The following PCDH11Y variants were observed in gnomAD, a reference collection of about 807,000 sequenced individuals.
PCDH11Y encodes the protein protocadherin-11 Y-linked.
For synonymous variants in PCDH11Y, 9 were observed against 83.6 expected (o/e 0.11, Z 4.87); for missense variants, 12 against 224.8 (o/e 0.05, Z 6.05).
At chrY:5,650,841 T>C in intron 4 of PCDH11Y, among the ~76,000 whole-genome samples, 1 of 32,252 alleles carries the variant, frequency 3.1e-5, no homozygotes, top group Non-Finnish European at 7.6e-5. Flanking sequence ...ATTGACAATA[T>C]TTGACATACC....
intron 4 of PCDH11Y, among the ~76,000 whole-genome samples, chrY:5,583,720 A>G (rs2124697657): frequency 4.3e-5 from 1 of 22,998 alleles, no homozygotes; most frequent in Admixed American, 4.5e-4. Context: ...ATCAATATTC[A>G]TCAGTGATAT....
downstream of PCDH11Y, among the ~76,000 whole-genome samples, chrY:5,107,575 A>C: frequency 3.0e-5 from 1 of 33,310 alleles, no homozygotes; most frequent in African/African-American, 1.2e-4. Flanking sequence ...ATTCCTTATC[A>C]GTTGACCTGG....
chrY:5,075,703 A>G (rs867995700), intron 1 of PCDH11Y, among the ~76,000 whole-genome samples: 70 of 33,791 alleles, frequency 2.1e-3, no homozygotes, highest in South Asian at 4.6e-3. Flanking sequence ...TTCAATTAAC[A>G]TAATGATCCA....
chrY:5,042,125 T>G, intron 3 of PCDH11Y, among the ~76,000 whole-genome samples: 1 of 31,752 alleles, frequency 3.1e-5, no homozygotes, highest in Non-Finnish European at 7.7e-5. Flanking sequence ...TAGATCCCAT[T>G]TGTCAATTTT....
chrY:5,188,423 A>G, intron 2 of PCDH11Y, among the ~76,000 whole-genome samples: 1 of 31,324 alleles, frequency 3.2e-5, no homozygotes, highest in Admixed American at 3.0e-4. Context: ...TATTTAATCA[A>G]CTCACAGTTC....
chrY:5,047,083 C>T, intron 3 of PCDH11Y, among the ~76,000 whole-genome samples: 1 of 33,902 alleles, frequency 2.9e-5, no homozygotes, highest in Non-Finnish European at 7.4e-5. Flanking sequence ...CTGCGTCGCT[C>T]ACGCTGGGAG....
chrY:5,308,169 C>A, intron 2 of PCDH11Y, among the ~76,000 whole-genome samples: 1 of 32,900 alleles, frequency 3.0e-5, no homozygotes, highest in Non-Finnish European at 7.4e-5. Context: ...TTTAAATATA[C>A]AGTTTCTTTA....
At chrY:5,678,385 A>T in intron 4 of PCDH11Y, among the ~76,000 whole-genome samples, 2 of 32,708 alleles carry the variant, frequency 6.1e-5, no homozygotes, top group African/African-American at 1.2e-4. Context: ...TCTGAAAATT[A>T]TGTTCATGTG....
chrY:5,449,797 T>TG (rs2053291512), intron 2 of PCDH11Y, among the ~76,000 whole-genome samples: 3 of 33,460 alleles, frequency 9.0e-5, no homozygotes, highest in African/African-American at 3.5e-4. Context: ...ACACTTACAA[T>TG]GAGTAACAAA....
At chrY:5,529,834 T>C in intron 3 of PCDH11Y, among the ~76,000 whole-genome samples, 2 of 32,726 alleles carry the variant, frequency 6.1e-5, no homozygotes, top group African/African-American at 2.4e-4. Context: ...AATTTGATCA[T>C]TTCCCGTTCT....
intron 4 of PCDH11Y, among the ~76,000 whole-genome samples, chrY:5,650,654 T>A: frequency 6.0e-5 from 2 of 33,489 alleles, no homozygotes; most frequent in Admixed American, 5.5e-4. Flanking sequence ...TTTATGTGTT[T>A]AATTCATAAA....
In PCDH11Y at chrY:5,552,222, C is replaced by G; in HGVS notation, c.3329-29553C>G. 1.3e-4 allele frequency among the ~76,000 whole-genome samples: 4 copies of G among 31,623 alleles called. No homozygotes were observed. In the South Asian group the frequency reaches 2.9e-3, roughly 23 times the overall value. 84.8% of individuals were successfully genotyped at this position (31,623 alleles called of 37,273 possible). A position where few individuals can be genotyped will look rare whatever the true frequency, so the allele number is the denominator to read the frequency against. On this transcript the variant is annotated intron_variant, in intron 3 of 4. Transcript: ENST00000400457. Reference sequence around the variant, plus strand: ...AGACATCTGGAATTTCAACAAATATCAGACTATGCATAAATATGTAACCCA... The same window carrying G: ...AGACATCTGGAATTTCAACAAATATGAGACTATGCATAAATATGTAACCCA...
At chrY:5,243,138 T>A in intron 2 of PCDH11Y, among the ~76,000 whole-genome samples, 1 of 33,816 alleles carries the variant, frequency 3.0e-5, no homozygotes, top group Non-Finnish European at 7.3e-5. Flanking sequence ...ATTAATGGCA[T>A]TTGTCTAAAT....
chrY:5,050,854 T>G (rs2052650572), intron 3 of PCDH11Y, among the ~76,000 whole-genome samples: 1 of 30,055 alleles, frequency 3.3e-5, no homozygotes. Flanking sequence ...ATATATATAT[T>G]ACACACACAC....
intron 3 of PCDH11Y, among the ~76,000 whole-genome samples, chrY:5,533,558 T>G: frequency 3.0e-5 from 1 of 33,772 alleles, no homozygotes. Context: ...GAATATTTAA[T>G]TTTTTCTCTT....
intron 2 of PCDH11Y, among the ~76,000 whole-genome samples, chrY:5,179,906 G>A (rs2052898290): frequency 6.3e-5 from 2 of 31,831 alleles, no homozygotes; most frequent in African/African-American, 1.2e-4. Context: ...GGCTTTTGTC[G>A]ATTTTGTCAA....
At chrY:5,130,052 T>G (rs2052831872) in intron 2 of PCDH11Y, among the ~76,000 whole-genome samples, 1 of 33,692 alleles carries the variant, frequency 3.0e-5, no homozygotes, top group Admixed American at 2.7e-4. Flanking sequence ...TATGCCTGCA[T>G]AGTGTTCCAT....
At chrY:5,649,609 T>C (rs2124705976) in intron 4 of PCDH11Y, among the ~76,000 whole-genome samples, 2 of 31,803 alleles carry the variant, frequency 6.3e-5, no homozygotes, top group East Asian at 1.7e-3. Flanking sequence ...TTTTACCGTT[T>C]ATAAAAACCT....
chrY:5,372,906 CTT>C (rs1569343953), intron 2 of PCDH11Y, among the ~76,000 whole-genome samples: 726 of 5,040 alleles, frequency 0.14, no homozygotes, highest in African/African-American at 0.38. Context: ...TCCTTCCTTC[CTT>C]CCTTCCTTCC....
Sources: gnomAD v4.1 joint callset for allele counts (sites outside exome capture counted in the v4.1 genomes callset) on GRCh38, gnomAD v4.1.1 for gene constraint, MANE v1.5 for transcripts, NCBI Gene and HGNC (gene_info 2026-07-23, HGNC 2026-07-21) for gene names.